The following RAD51D variants were observed in gnomAD, a reference collection of about 807,000 sequenced individuals.
The protein encoded by RAD51D is RAD51 paralog D.
RAD51D carries 38 observed loss-of-function variants against 44.1 expected under a neutral mutation model. The ratio of observed to expected loss-of-function variants is 0.86; its 90% CI spans 0.67 to 1.13. The LOEUF is 1.13. Among genes scored for constraint, RAD51D ranks in the 50% most tolerant of loss-of-function variants. The pLI is 0.00. For missense variants in RAD51D, 390 were observed against 414.0 expected (o/e 0.94, Z 0.50); for synonymous variants, 141 against 166.6 (o/e 0.85, Z 1.18).
intron 3 of RAD51D, 85 bp from the exon 4 acceptor site, chr17:35,107,532 C>A: frequency 9.3e-7 from 1 of 1,071,134 alleles, no homozygotes; most frequent in East Asian, 2.4e-5. Flanking sequence ...TAAGACATTT[C>A]TTTCAAGCAC....
rs1233575362 is a variant in RAD51D, at chr17:35,097,967, C to T, written c.*2986G>A. 1 of 151,976 alleles carries T rather than the reference C, an allele frequency of 6.6e-6. No homozygotes were observed. The highest frequency in any genetic ancestry group is 1.5e-5 in the Non-Finnish European group (1 of 67,870). The allele number at this position is 151,976 out of a possible 1,614,324, so 9.4% of individuals were successfully genotyped here. ...AGAGCCAGCCTAGCCCAAGTCCTACCAGGGGACTGCACAGTGTGGTGTGGC... is the reference window on the plus strand; with the variant it reads ...AGAGCCAGCCTAGCCCAAGTCCTACTAGGGGACTGCACAGTGTGGTGTGGC... On this transcript the variant is annotated 3_prime_UTR_variant, in exon 10 of 10. Coordinates refer to ENST00000345365, the MANE Select transcript of RAD51D (RefSeq NM_002878.4).
chr17:35,109,328 C>T (rs1385960793), intron 3 of RAD51D, among the ~76,000 whole-genome samples: 3 of 152,144 alleles, frequency 2.0e-5, no homozygotes, highest in East Asian at 3.8e-4. Context: ...TGGTTGTTTC[C>T]ACTTTGGGGC....
chr17:35,100,985 G>C lies in RAD51D; in HGVS notation c.955C>G (p.Gln319Glu), dbSNP rs794726988. ...VDIGTWGTSE[Q>E]SATLQGDQT ...TGATCACCCTGTAATGTGGCACTCT[G>C]CTCTGAGGTCCCCCAGGTCCCAATG... Residue 319 changes from glutamine to glutamate, a missense_variant, in exon 10 of 10, where the codon CAG becomes GAG. By Grantham distance (29) the Gln-to-Glu change is conservative. Coordinates refer to ENST00000345365, the MANE Select transcript of RAD51D (RefSeq NM_002878.4). 6.2e-7 allele frequency: 1 copy of C among 1,613,702 alleles called. No individual in the cohort carries two copies. The highest frequency in any genetic ancestry group is 8.5e-7 in the Non-Finnish European group (1 of 1,179,604).
At chr17:35,117,034 A>C (rs757555839) in intron 3 of RAD51D, 5 of 1,610,754 alleles carry the variant, frequency 3.1e-6, no homozygotes, top group East Asian at 2.2e-5. Flanking sequence ...TGCGCCCTCC[A>C]TGTCTGTTGG....
chr17:35,096,245 G>A lies in RAD51D; in HGVS notation c.*4708C>T, dbSNP rs542939844. ...AGATAGGGTCTTGCTATGTTGCCCA[G>A]GCTGGTCTGGAACTCCTGGCCTCAG... On this transcript the variant is annotated 3_prime_UTR_variant, in exon 10 of 10. Coordinates refer to ENST00000345365, the MANE Select transcript of RAD51D (RefSeq NM_002878.4). The A allele has an allele frequency of 1.3e-5, 2 of 152,226 alleles. No individual in the cohort carries two copies. The highest frequency in any genetic ancestry group is 3.9e-4 in the East Asian group (2 of 5,182). The allele number at this position is 152,226 out of a possible 1,614,324, so 9.4% of individuals were successfully genotyped here. A position where few individuals can be genotyped will look rare whatever the true frequency, so the allele number is the denominator to read the frequency against.
chr17:35,101,206 G>A lies in RAD51D; in HGVS notation c.898C>T (p.Arg300Ter), dbSNP rs750621215. Residue 300 changes from arginine to a stop codon, truncating the protein, a stop_gained, in exon 9 of 10, where the codon CGA becomes TGA. Transcript: ENST00000345365. LOFTEE classifies it high-confidence loss of function. The stretch of plus-strand genomic sequence containing the variant: ...TCTTCCTGGGGCTGGCTCACCTGTC[G>A]GGAAGATTTGGCCAGACACGCCATG... ...RRMACLAKSSRQPTGFQEMVD... is the reference protein window; with the variant it reads ...RRMACLAKSS 3.2e-5 allele frequency: 51 copies of A among 1,613,996 alleles called. No homozygotes were observed. The highest frequency in any genetic ancestry group is 1.1e-4 in the East Asian group (5 of 44,886).
Position 35,097,676 on chromosome 17 carries a change from A to T in RAD51D, c.*3277T>A, listed in dbSNP as rs1396981607. The T allele has an allele frequency of 2.0e-5, 3 of 152,146 alleles. No homozygotes were observed. In the East Asian group the frequency reaches 5.8e-4, roughly 29 times the overall value. The allele number at this position is 152,146 out of a possible 1,614,324, so 9.4% of individuals were successfully genotyped here. A position where few individuals can be genotyped will look rare whatever the true frequency, so the allele number is the denominator to read the frequency against. On this transcript the variant is annotated 3_prime_UTR_variant, in exon 10 of 10. Transcript: ENST00000345365. The stretch of plus-strand genomic sequence containing the variant: ...CCAGTCCTTTGCTTTTTTAAAATAT[A>T]TTTTTAAAACATCATTCATCTATTT...
chr17:35,115,827 G>A (rs937216854), intron 3 of RAD51D, among the ~76,000 whole-genome samples: 17 of 150,074 alleles, frequency 1.1e-4, no homozygotes, highest in Admixed American at 8.7e-4. Context: ...CCGAGATCAC[G>A]CCACTGCACT....
Position 35,092,594 on chromosome 17 carries a change from G to A in RAD51D, c.*8359C>T, listed in dbSNP as rs1264658563. 5 of 152,220 alleles carry A rather than the reference G, an allele frequency of 3.3e-5. No homozygotes were observed. Among genetic ancestry groups the A allele is most frequent in the Admixed American group, 1.3e-4 (2 of 15,284 alleles). The allele number at this position is 152,220 out of a possible 1,614,324, so 9.4% of individuals were successfully genotyped here. A position where few individuals can be genotyped will look rare whatever the true frequency, so the allele number is the denominator to read the frequency against. Reference sequence around the variant, plus strand: ...AAGTAACTCGGCCAGAAAGGGACTAGCAGGGTTTTGAACTTAGATCTTTTT... The same window carrying A: ...AAGTAACTCGGCCAGAAAGGGACTAACAGGGTTTTGAACTTAGATCTTTTT... On this transcript the variant is annotated 3_prime_UTR_variant, in exon 10 of 10. Transcript: ENST00000345365.
At chr17:35,115,812 G>A (rs1270389070) in intron 3 of RAD51D, among the ~76,000 whole-genome samples, 1 of 151,366 alleles carries the variant, frequency 6.6e-6, no homozygotes, top group African/African-American at 2.4e-5. Context: ...GGAGGTTGCA[G>A]TGAGCCGAGA....
chr17:35,117,106 T>C lies in RAD51D; in HGVS notation c.263+1395A>G, dbSNP rs1597874972. 8.0e-6 allele frequency: 12 copies of C among 1,501,724 alleles called. No homozygotes were observed. The East Asian group carries it at 2.7e-4, about 34-fold the overall frequency. 93.0% of individuals were successfully genotyped at this position (1,501,724 alleles called of 1,614,324 possible). Reference sequence around the variant, plus strand: ...CCTGTTCACCACTCCCTCCTTACCGTTGCCTCCCTCGGTGCTTACAGCTCT... The same window carrying C: ...CCTGTTCACCACTCCCTCCTTACCGCTGCCTCCCTCGGTGCTTACAGCTCT... On this transcript the variant is annotated intron_variant, in intron 3 of 9. Coordinates refer to ENST00000345365, the MANE Select transcript of RAD51D (RefSeq NM_002878.4).
intron 5 of RAD51D, 86 bp downstream of exon 5, chr17:35,106,902 T>C (rs1167840511): frequency 6.3e-7 from 1 of 1,598,578 alleles, no homozygotes; most frequent in Non-Finnish European, 8.6e-7. Flanking sequence ...AAGGAATGAC[T>C]ATTCAACCCA....
At chr17:35,107,150 G>A (rs1597862933) in intron 4 of RAD51D, 28 bp from the exon 5 acceptor site, 2 of 1,613,388 alleles carry the variant, frequency 1.2e-6, no homozygotes, top group African/African-American at 2.7e-5. Flanking sequence ...GGATGAACTT[G>A]ACACTTCAGA....
At chr17:35,114,196 CG>C (rs1218253509) in intron 3 of RAD51D, among the ~76,000 whole-genome samples, 1 of 151,946 alleles carries the variant, frequency 6.6e-6, no homozygotes, top group Non-Finnish European at 1.5e-5. Context: ...GGCATGAACC[CG>C]GGAGGTGGAG....
In RAD51D at chr17:35,116,992, G is replaced by A. The variant is rs201506572; in HGVS notation, c.263+1509C>T. Reference sequence around the variant, plus strand: ...CACGATCTCCCTGCGGGGACCTGAGGCAGCTGCAGTCCTCCCAGGTTCCCA... The same window carrying A: ...CACGATCTCCCTGCGGGGACCTGAGACAGCTGCAGTCCTCCCAGGTTCCCA... On this transcript the variant is annotated intron_variant, in intron 3 of 9. Coordinates refer to ENST00000345365, the MANE Select transcript of RAD51D (RefSeq NM_002878.4). The A allele has an allele frequency of 2.0e-4, 324 of 1,613,862 alleles. No homozygotes were observed. The African/African-American group carries it at 3.9e-3, about 20-fold the overall frequency.
At chr17:35,119,265 A>C (rs1217147623) in intron 1 of RAD51D, 93 bp from the exon 2 acceptor site, 2 of 1,232,770 alleles carry the variant, frequency 1.6e-6, no homozygotes, top group Non-Finnish European at 1.2e-6. Context: ...TGTCAATTCT[A>C]CCCCCCGGCA....
At chr17:35,113,573 A>G (rs1473634741) in intron 3 of RAD51D, 5 of 446,206 alleles carry the variant, frequency 1.1e-5, no homozygotes, top group Non-Finnish European at 2.3e-5. Flanking sequence ...CTGGCCCCCA[A>G]CCATTTTAAT....
At position 35,096,773 on chromosome 17, in the gene RAD51D, A is replaced by G. The variant is rs901757719; in HGVS notation, c.*4180T>C. The G allele has an allele frequency of 3.3e-5, 5 of 152,246 alleles. No homozygotes were observed. The highest frequency in any genetic ancestry group is 1.2e-4 in the African/African-American group (5 of 41,448). 9.4% of individuals were successfully genotyped at this position (152,246 alleles called of 1,614,324 possible). ...CTACTTGGGAGACTGAAGTGGGAGG[A>G]TCACTTGAGCTTGGGAGGTAGAGGG... On this transcript the variant is annotated 3_prime_UTR_variant, in exon 10 of 10. Coordinates refer to ENST00000345365, the MANE Select transcript of RAD51D (RefSeq NM_002878.4).
rs2091479218 is a variant in RAD51D, at chr17:35,095,142, G to C, written c.*5811C>G. ...CAATTCTGCACCAATGAGATTTGAG[G>C]TGAGTCAGCTTTGGTTGGAAGTTAG... On this transcript the variant is annotated 3_prime_UTR_variant, in exon 10 of 10. Transcript: ENST00000345365. 6.6e-6 allele frequency: 1 copy of C among 152,196 alleles called. No individual in the cohort carries two copies. The highest frequency in any genetic ancestry group is 1.5e-5 in the Non-Finnish European group (1 of 68,046). The allele number at this position is 152,196 out of a possible 1,614,324, so 9.4% of individuals were successfully genotyped here. A position where few individuals can be genotyped will look rare whatever the true frequency, so the allele number is the denominator to read the frequency against.
Sources: allele counts gnomAD v4.1 joint callset (sites outside exome capture counted in the v4.1 genomes callset), GRCh38; gene constraint gnomAD v4.1.1; transcripts MANE v1.5; gene names NCBI Gene and HGNC (gene_info 2026-07-23, HGNC 2026-07-21).